SREK1: variants seen among roughly 807,000 people sequenced by gnomAD.
The protein encoded by SREK1 is splicing regulatory glutamine/lysine-rich protein 1.
SREK1 carries 13 observed loss-of-function variants against 66.5 expected under a neutral mutation model. The observed-to-expected ratio is 0.20, with a 90% CI of 0.13 to 0.31. The LOEUF (loss-of-function observed/expected upper bound fraction) is 0.31, where lower values mean the gene tolerates loss of function less well. Ranked by LOEUF, SREK1 falls within the 10% of genes least tolerant of loss-of-function variation. The probability of loss-of-function intolerance (pLI) is 1.00; values close to 1 mark genes in which losing one functional copy is unlikely to be tolerated. For missense variants in SREK1, 607 were observed against 769.6 expected (o/e 0.79, Z 2.50); for synonymous variants, 265 against 263.5 (o/e 1.01, Z -0.05).
At chr5:66,161,502 A>G (rs1190163806) in intron 3 of SREK1, among the ~76,000 whole-genome samples, 1 of 152,178 alleles carries the variant, frequency 6.6e-6, no homozygotes, top group Non-Finnish European at 1.5e-5. Flanking sequence ...CACTGTTAAG[A>G]TGGGCCCACA....
At chr5:66,173,163 A>G (rs1298798563) in intron 9 of SREK1, among the ~76,000 whole-genome samples, 5 of 152,024 alleles carry the variant, frequency 3.3e-5, no homozygotes, top group African/African-American at 1.2e-4. Flanking sequence ...GTCTTTTAGC[A>G]TTTTTCTGCT....
intron 2 of SREK1, among the ~76,000 whole-genome samples, chr5:66,154,040 C>T (rs980831165): frequency 6.6e-6 from 1 of 152,120 alleles, no homozygotes; most frequent in African/African-American, 2.4e-5. Flanking sequence ...TTCAAGTACA[C>T]TCTTAAGGTA....
chr5:66,152,458 T>G (rs1217883093), intron 1 of SREK1, among the ~76,000 whole-genome samples: 1 of 152,200 alleles, frequency 6.6e-6, no homozygotes, highest in Admixed American at 6.5e-5. Context: ...ATGATTACAG[T>G]TGCATGAAGT....
intron 2 of SREK1, chr5:66,155,976 AACTTT>A: frequency 6.6e-7 from 1 of 1,523,370 alleles, no homozygotes; most frequent in South Asian, 1.2e-5. Flanking sequence ...CATCAGTCAT[AACTTT>A]ATGTCCACAT....
At chr5:66,164,266 C>A in intron 6 of SREK1, 1 of 270,198 alleles carries the variant, frequency 3.7e-6, no homozygotes, top group Non-Finnish European at 7.2e-6. Flanking sequence ...TTTACTTTTC[C>A]TCAACATTTT....
chr5:66,172,439 A>G (rs1250181883), intron 9 of SREK1, among the ~76,000 whole-genome samples: 1 of 152,212 alleles, frequency 6.6e-6, no homozygotes, highest in Non-Finnish European at 1.5e-5. Flanking sequence ...CTCATCGCCC[A>G]GGCTGGAGTG....
intron 11 of SREK1, 107 bp downstream of exon 11, chr5:66,177,765 C>A (rs1448699053): frequency 5.0e-6 from 4 of 803,224 alleles, no homozygotes; most frequent in Non-Finnish European, 7.2e-6. Context: ...ACATTGTTGG[C>A]ATTTTATGGC....
chr5:66,177,458 A>G (rs1402046956), intron 10 of SREK1, 56 bp from the exon 11 acceptor site: 5 of 1,356,022 alleles, frequency 3.7e-6, no homozygotes, highest in Non-Finnish European at 5.0e-6. Context: ...TTTGTCAAGA[A>G]TATAATAGAT....
chr5:66,168,145 T>C (rs1175261610), intron 7 of SREK1: 3 of 151,800 alleles, frequency 2.0e-5, no homozygotes, highest in African/African-American at 4.8e-5. Flanking sequence ...AAATATGGAA[T>C]GAAGACAATT....
chr5:66,144,319 C>A lies in SREK1; in HGVS notation c.-58C>A, dbSNP rs925635644. On this transcript the variant is annotated 5_prime_UTR_variant, in exon 1 of 12. Coordinates refer to ENST00000334121, the MANE Select transcript of SREK1 (RefSeq NM_001077199.3). ...CCGCGCGTTCTCCGCTTTCCCGGCT[C>A]CGTCGCTGACGCGTCGTAGACGTTG... 1.5e-5 allele frequency: 21 copies of A among 1,371,234 alleles called. No individual in the cohort carries two copies. The highest frequency in any genetic ancestry group is 2.1e-5 in the Non-Finnish European group (21 of 1,016,856). The allele number at this position is 1,371,234 out of a possible 1,614,324, so 84.9% of individuals were successfully genotyped here.
chr5:66,157,323 T>G, intron 2 of SREK1: 4 of 983,644 alleles, frequency 4.1e-6, no homozygotes, highest in Non-Finnish European at 4.8e-6. Context: ...TTTGTTTGTA[T>G]AGTCTTTCTA....
chr5:66,162,337 A>C, intron 4 of SREK1, 64 bp downstream of exon 4: 4 of 1,604,980 alleles, frequency 2.5e-6, no homozygotes, highest in South Asian at 1.1e-5. Flanking sequence ...CTTAAAAATC[A>C]TATCAGTGGA....
Position 66,179,540 on chromosome 5 carries a change from C to T in SREK1, c.*672C>T, listed in dbSNP as rs751797318. ...GTTCTCTTTCAAAAGGAAGAGCAAC[C>T]GTGTTGAATACTAATAATGATGAAT... On this transcript the variant is annotated 3_prime_UTR_variant, in exon 12 of 12. Coordinates refer to ENST00000334121, the MANE Select transcript of SREK1 (RefSeq NM_001077199.3). 30 of 152,448 alleles carry T rather than the reference C, an allele frequency of 2.0e-4. No individual in the cohort carries two copies. Among genetic ancestry groups the T allele is most frequent in the Non-Finnish European group, 1.9e-4 (13 of 67,898 alleles). The allele number at this position is 152,448 out of a possible 1,614,324, so 9.4% of individuals were successfully genotyped here.
chr5:66,170,035 A>G lies in SREK1; in HGVS notation c.1002-16A>G. 6.6e-7 allele frequency: 1 copy of G among 1,512,084 alleles called. No individual in the cohort carries two copies. Among genetic ancestry groups the G allele is most frequent in the Non-Finnish European group, 8.9e-7 (1 of 1,128,838 alleles). The allele number at this position is 1,512,084 out of a possible 1,614,324, so 93.7% of individuals were successfully genotyped here. A position where few individuals can be genotyped will look rare whatever the true frequency, so the allele number is the denominator to read the frequency against. ...GTAAATTAAGTTTTGATATTCTAAC[A>G]ATTTTTTTTCTTTAGGAGTAGATCC... On this transcript the variant is annotated splice_polypyrimidine_tract_variant and intron_variant, in intron 7 of 11. Transcript: ENST00000334121.
At chr5:66,160,927 CTA>C (rs1449467592) in intron 3 of SREK1, among the ~76,000 whole-genome samples, 1 of 152,080 alleles carries the variant, frequency 6.6e-6, no homozygotes, top group African/African-American at 2.4e-5. Context: ...TACATTTCTT[CTA>C]GTTTACATTC....
At chr5:66,151,126 C>T (rs1444188352) in intron 1 of SREK1, among the ~76,000 whole-genome samples, 3 of 152,160 alleles carry the variant, frequency 2.0e-5, no homozygotes, top group African/African-American at 7.2e-5. Flanking sequence ...CAGGCATGAG[C>T]CACCCTGCCT....
chr5:66,154,362 T>C (rs1230124088), intron 2 of SREK1, among the ~76,000 whole-genome samples: 3 of 152,330 alleles, frequency 2.0e-5, no homozygotes, highest in Middle Eastern at 3.4e-3. Flanking sequence ...TTGACACTTC[T>C]GGTGTATAAT....
rs1009355069 is a variant in SREK1, at chr5:66,163,926, A to G, written c.886+4A>G. The G allele has an allele frequency of 8.7e-6, 14 of 1,612,990 alleles. No individual in the cohort carries two copies. In the East Asian group the frequency reaches 8.9e-5, roughly 10 times the overall value. On this transcript the variant is annotated splice_donor_region_variant and intron_variant, in intron 6 of 11. Coordinates refer to ENST00000334121, the MANE Select transcript of SREK1 (RefSeq NM_001077199.3). ...ATCTCAGCAGCTATTGAACCAGGTA[A>G]GTACATAACGTTGTTACATAGGTCA...
intron 9 of SREK1, among the ~76,000 whole-genome samples, chr5:66,171,456 C>T (rs1366184955): frequency 2.0e-5 from 3 of 151,884 alleles, no homozygotes; most frequent in South Asian, 2.1e-4. Flanking sequence ...TCCTTAGGAC[C>T]GTGATTTCAG....
Sources: gnomAD v4.1 joint callset for allele counts (sites outside exome capture counted in the v4.1 genomes callset) on GRCh38, gnomAD v4.1.1 for gene constraint, MANE v1.5 for transcripts, NCBI Gene and HGNC (gene_info 2026-07-23, HGNC 2026-07-21) for gene names.